The following PDCD1LG2 variants were observed in gnomAD, a reference collection of about 807,000 sequenced individuals.
PDCD1LG2 encodes B7 dendritic cell molecule.
A neutral mutation model predicts 28.2 loss-of-function variants in PDCD1LG2; 32 were observed. The observed-to-expected ratio is 1.13, with a 90% CI of 0.86 to 1.52. PDCD1LG2 has a LOEUF of 1.52. PDCD1LG2 is among the 40% of genes most tolerant of loss of function. PDCD1LG2 has a pLI of 0.00. For synonymous variants in PDCD1LG2, 116 were observed against 120.2 expected (o/e 0.97, Z 0.23); for missense variants, 385 against 323.8 (o/e 1.19, Z -1.45).
intron 1 of PDCD1LG2, among the ~76,000 whole-genome samples, chr9:5,514,281 T>C (rs1316521563): frequency 6.6e-6 from 1 of 152,210 alleles, no homozygotes; most frequent in Non-Finnish European, 1.5e-5. Flanking sequence ...GTAAATGTTT[T>C]GAATAAAAGA....
chr9:5,561,649 C>G (rs1215605275), intron 5 of PDCD1LG2, among the ~76,000 whole-genome samples: 2 of 152,142 alleles, frequency 1.3e-5, no homozygotes, highest in African/African-American at 4.8e-5. Context: ...CAGAAGTCAC[C>G]AGCTACAGAA....
chr9:5,556,455 A>C (rs1211001600), intron 4 of PDCD1LG2, among the ~76,000 whole-genome samples: 1 of 152,204 alleles, frequency 6.6e-6, no homozygotes, highest in East Asian at 1.9e-4. Flanking sequence ...GGTCAGATAG[A>C]TCTGGGTTTG....
chr9:5,537,859 C>G (rs1215110758), intron 3 of PDCD1LG2, among the ~76,000 whole-genome samples: 1 of 151,974 alleles, frequency 6.6e-6, no homozygotes. Flanking sequence ...TGCACATGTA[C>G]CCTAAAACTT....
At chr9:5,516,103 G>A (rs912216116) in intron 1 of PDCD1LG2, among the ~76,000 whole-genome samples, 1 of 151,934 alleles carries the variant, frequency 6.6e-6, no homozygotes, top group Non-Finnish European at 1.5e-5. Flanking sequence ...CAGGGCTGGA[G>A]TGCAGTGGCG....
intron 1 of PDCD1LG2, among the ~76,000 whole-genome samples, chr9:5,515,199 G>A (rs368388780): frequency 4.6e-5 from 7 of 152,070 alleles, no homozygotes; most frequent in African/African-American, 1.4e-4. Context: ...TTCTAACTCC[G>A]CCCAATAACA....
chr9:5,515,321 G>T (rs755544367), intron 1 of PDCD1LG2, among the ~76,000 whole-genome samples: 2 of 152,192 alleles, frequency 1.3e-5, no homozygotes, highest in Admixed American at 6.5e-5. Context: ...GTTTGAACAT[G>T]TTCGTTTTTG....
intron 4 of PDCD1LG2, among the ~76,000 whole-genome samples, chr9:5,557,226 G>T (rs1233233432): frequency 6.6e-6 from 1 of 150,984 alleles, no homozygotes; most frequent in Non-Finnish European, 1.5e-5. Flanking sequence ...AGGAAAAAGA[G>T]AAAAAAGAAA....
chr9:5,546,252 GTTTC>G (rs1281394126), intron 3 of PDCD1LG2, among the ~76,000 whole-genome samples: 1 of 152,230 alleles, frequency 6.6e-6, no homozygotes, highest in Middle Eastern at 3.4e-3. Context: ...ACCAAGATCA[GTTTC>G]TTGGTCCAAG....
chr9:5,525,333 A>G (rs1268731626), intron 2 of PDCD1LG2, among the ~76,000 whole-genome samples: 1 of 141,148 alleles, frequency 7.1e-6, no homozygotes, highest in Non-Finnish European at 1.5e-5. Flanking sequence ...TGACAGAGTG[A>G]GATTCCATTT....
rs2129878433 is a variant in PDCD1LG2, at chr9:5,549,575, A to G, written c.602A>G (p.Glu201Gly). The G allele has an allele frequency of 6.2e-7, 1 of 1,614,216 alleles. No homozygotes were observed. Among genetic ancestry groups the G allele is most frequent in the Non-Finnish European group, 8.5e-7 (1 of 1,180,038 alleles). The change falls in exon 4 of 7, where the codon GAA becomes GGA. Residue 201 changes from glutamate to glycine, a missense_variant. Coordinates refer to ENST00000397747, the MANE Select transcript of PDCD1LG2 (RefSeq NM_025239.4). ...GTGTTCTGGAATACTCACGTGAGGGAACTTACTTTGGCCAGCATTGACCTT... is the reference window on the plus strand; with the variant it reads ...GTGTTCTGGAATACTCACGTGAGGGGACTTACTTTGGCCAGCATTGACCTT... ...SCVFWNTHVR[E>G]LTLASIDLQS...
At chr9:5,516,075 G>A (rs984065527) in intron 1 of PDCD1LG2, among the ~76,000 whole-genome samples, 6 of 151,826 alleles carry the variant, frequency 4.0e-5, no homozygotes, top group South Asian at 2.1e-4. Context: ...TTTTTGAGAC[G>A]GAGTCTCACT....
intron 1 of PDCD1LG2, among the ~76,000 whole-genome samples, chr9:5,515,234 T>C (rs1045895399): frequency 6.6e-6 from 1 of 152,208 alleles, no homozygotes; most frequent in Non-Finnish European, 1.5e-5. Flanking sequence ...GATAGCCACA[T>C]AGGAACAGAC....
intron 1 of PDCD1LG2, among the ~76,000 whole-genome samples, chr9:5,519,732 A>G (rs1262030167): frequency 6.6e-6 from 1 of 152,126 alleles, no homozygotes; most frequent in African/African-American, 2.4e-5. Flanking sequence ...GGCATTTCAA[A>G]CCAAATCTAC....
chr9:5,510,783 G>C lies in PDCD1LG2; in HGVS notation c.-35G>C, dbSNP rs1820041792. The C allele has an allele frequency of 1.3e-5, 2 of 152,572 alleles. No homozygotes were observed. The highest frequency in any genetic ancestry group is 1.3e-4 in the Admixed American group (2 of 15,262). 9.5% of individuals were successfully genotyped at this position (152,572 alleles called of 1,614,324 possible). ...TGTTTACTTTTGCATCTTTACTTGT[G>C]GAGCTGTGGCAAGTCCTCATGTGAG... On this transcript the variant is annotated 5_prime_UTR_variant, in exon 1 of 7. Transcript: ENST00000397747.
In PDCD1LG2 at chr9:5,569,742, TGC is replaced by T. The variant is rs1816735829; in HGVS notation, c.817-211_817-210del. 6.6e-6 allele frequency among the ~76,000 whole-genome samples: 1 copy of T among 152,154 alleles called. No individual in the cohort carries two copies. Among genetic ancestry groups the T allele is most frequent in the Non-Finnish European group, 1.5e-5 (1 of 68,020 alleles). The stretch of plus-strand genomic sequence containing the variant: ...CAAAGAATGGAAGAGGAACAGCTCT[TGC>T]AATAGGTCTGAGGAGAGAAGCTGAA... On this transcript the variant is annotated intron_variant, in intron 6 of 6. Coordinates refer to ENST00000397747, the MANE Select transcript of PDCD1LG2 (RefSeq NM_025239.4). This position sits in a 1 kb window ranked among gnomAD's most constrained non-coding sequence, Gnocchi z 4.1.
At chr9:5,520,245 T>C (rs1355918868) in intron 1 of PDCD1LG2, among the ~76,000 whole-genome samples, 1 of 152,186 alleles carries the variant, frequency 6.6e-6, no homozygotes, top group Non-Finnish European at 1.5e-5. Context: ...GATAGACATA[T>C]AGTTCAATAA....
rs1816286379 is a variant in PDCD1LG2, at chr9:5,549,620, A to G, written c.631+16A>G. 6.2e-7 allele frequency: 1 copy of G among 1,613,432 alleles called. No individual in the cohort carries two copies. The highest frequency in any genetic ancestry group is 1.3e-5 in the African/African-American group (1 of 74,898). On this transcript the variant is annotated intron_variant, in intron 4 of 6. Transcript: ENST00000397747. ...GACCTTCAAAGTAAGAGCTGCCCCCACTTCCTAGGTCTATCAGTTAGGGTT... is the reference window on the plus strand; with the variant it reads ...GACCTTCAAAGTAAGAGCTGCCCCCGCTTCCTAGGTCTATCAGTTAGGGTT...
intron 3 of PDCD1LG2, among the ~76,000 whole-genome samples, chr9:5,543,267 T>C (rs554835610): frequency 5.3e-5 from 8 of 152,154 alleles, no homozygotes; most frequent in Admixed American, 1.3e-4. Context: ...GGGCCAGGCG[T>C]GGTTGCTCAC....
intron 5 of PDCD1LG2, 98 bp from the exon 6 acceptor site, chr9:5,563,064 T>G: frequency 9.8e-7 from 1 of 1,023,568 alleles, no homozygotes; most frequent in Admixed American, 2.2e-5. Flanking sequence ...GCTATGTGGA[T>G]TTATTTAGAT....
Sources: allele counts gnomAD v4.1 joint callset (sites outside exome capture counted in the v4.1 genomes callset), GRCh38; gene constraint gnomAD v4.1.1; non-coding constraint Gnocchi (gnomAD v3.1); transcripts MANE v1.5; gene names NCBI Gene and HGNC (gene_info 2026-07-23, HGNC 2026-07-21).